ATXN1: variants seen among roughly 807,000 people sequenced by gnomAD.
ATXN1 encodes the protein ataxin-1.
In ATXN1, 8 loss-of-function variants were observed where a neutral mutation model predicts 56.4. The observed-to-expected ratio is 0.14, with a 90% CI of 0.08 to 0.26. ATXN1 has a LOEUF of 0.26. ATXN1 is among the 10% of genes least tolerant of loss of function. ATXN1 has a pLI of 1.00. For missense variants in ATXN1, 987 were observed against 1,106.5 expected, an observed-to-expected ratio of 0.89 and a Z score of 1.53; for synonymous variants, 514 against 494.6, an observed-to-expected ratio of 1.04 and a Z score of -0.52.
At chr6:16,682,448 C>T (rs965333726) in intron 2 of ATXN1, among the ~76,000 whole-genome samples, 9 of 152,152 alleles carry the variant, frequency 5.9e-5, no homozygotes, top group East Asian at 3.9e-4. Flanking sequence ...CTGTCCGCCT[C>T]GGCCTCCCAA....
intron 6 of ATXN1, among the ~76,000 whole-genome samples, chr6:16,392,857 A>C (rs1196274360): frequency 2.0e-5 from 3 of 152,178 alleles, no homozygotes; most frequent in African/African-American, 7.2e-5. Flanking sequence ...CACCCAGGGA[A>C]AGCGGCATCA....
Position 16,527,795 on chromosome 6 carries a change from A to G in ATXN1, c.-360-5107T>C, listed in dbSNP as rs1003226426. Among the ~76,000 whole-genome samples the G allele has an allele frequency of 2.6e-5, 4 of 152,336 alleles. 1 individual carries two copies. Among genetic ancestry groups the G allele is most frequent in the Middle Eastern group, 6.8e-3 (2 of 294 alleles). On this transcript the variant is annotated intron_variant, in intron 4 of 7. Transcript: ENST00000436367. ...TGACAATTCACTCTAGGCATTTGCA[A>G]TATCATGGAATATGAACTGAGCTAC...
chr6:16,388,397 G>A (rs1051881235), intron 6 of ATXN1, among the ~76,000 whole-genome samples: 3 of 152,202 alleles, frequency 2.0e-5, no homozygotes, highest in Non-Finnish European at 4.4e-5. Context: ...TGAGGATCAA[G>A]TGGTGGTTTC....
At chr6:16,672,571 A>G (rs1397906533) in intron 2 of ATXN1, among the ~76,000 whole-genome samples, 1 of 152,216 alleles carries the variant, frequency 6.6e-6, no homozygotes, top group Non-Finnish European at 1.5e-5. Flanking sequence ...GGTGGGTCCA[A>G]TGTAATCGCA....
rs80134524 is a variant in ATXN1, at chr6:16,605,177, C to T, written c.-488-19270G>A. Among the ~76,000 whole-genome samples the T allele has an allele frequency of 8.6e-3, 1,316 of 152,326 alleles. 15 individuals carry two copies. The highest frequency in any genetic ancestry group is 0.029 in the African/African-American group (1,205 of 41,568). On this transcript the variant is annotated intron_variant, in intron 3 of 7. Transcript: ENST00000436367. ...CAGTATCAATTTAGTGGATCATGAA[C>T]TACGTATCCGATTGACTCACTTGTA...
At chr6:16,624,706 T>C (rs925316560) in intron 3 of ATXN1, among the ~76,000 whole-genome samples, 5 of 152,260 alleles carry the variant, frequency 3.3e-5, no homozygotes, top group African/African-American at 9.6e-5. Flanking sequence ...ATATAAAAAA[T>C]TGTGAAAGTC....
chr6:16,758,613 A>G (rs1760960051), intron 1 of ATXN1, among the ~76,000 whole-genome samples: 1 of 152,252 alleles, frequency 6.6e-6, no homozygotes, highest in Admixed American at 6.5e-5. Flanking sequence ...CTGTGCATAA[A>G]ACACTTGGAG....
At chr6:16,625,100 G>C (rs533217008) in intron 3 of ATXN1, among the ~76,000 whole-genome samples, 20 of 152,266 alleles carry the variant, frequency 1.3e-4, no homozygotes, top group African/African-American at 4.6e-4. Context: ...CTTATGCCTA[G>C]AAAAATCTTC....
At chr6:16,394,335 T>C (rs1458917902) in intron 6 of ATXN1, among the ~76,000 whole-genome samples, 2 of 152,186 alleles carry the variant, frequency 1.3e-5, no homozygotes, top group East Asian at 1.9e-4. Context: ...TAAGGATAGA[T>C]AGCCAGAAAA....
chr6:16,500,348 T>G (rs1244501275), intron 5 of ATXN1, among the ~76,000 whole-genome samples: 1 of 152,176 alleles, frequency 6.6e-6, no homozygotes, highest in African/African-American at 2.4e-5. Flanking sequence ...ATACAATTGT[T>G]TCAACCCCAC....
intron 4 of ATXN1, among the ~76,000 whole-genome samples, chr6:16,575,536 C>T (rs73728016): frequency 0.01 from 1,559 of 152,286 alleles, 33 homozygotes; most frequent in African/African-American, 0.035. Flanking sequence ...GCAGACACAG[C>T]CACATTGTGT....
chr6:16,659,623 TA>T (rs983182828), intron 2 of ATXN1, among the ~76,000 whole-genome samples: 1 of 152,172 alleles, frequency 6.6e-6, no homozygotes, highest in Non-Finnish European at 1.5e-5. Context: ...TACAGAAAGT[TA>T]ATATGTACTT....
intron 7 of ATXN1, among the ~76,000 whole-genome samples, chr6:16,308,435 T>C (rs1374329797): frequency 6.6e-6 from 1 of 152,038 alleles, no homozygotes; most frequent in African/African-American, 2.4e-5. Flanking sequence ...GGGCCTGTTT[T>C]CTCCTGAAGG....
chr6:16,433,019 C>G (rs1759316958), intron 6 of ATXN1: 2 of 152,128 alleles, frequency 1.3e-5, no homozygotes, highest in African/African-American at 4.8e-5. Context: ...TGCTGTGCAG[C>G]ATGTAGCTCG....
chr6:16,556,371 T>C (rs1762014284), intron 4 of ATXN1, among the ~76,000 whole-genome samples: 2 of 152,342 alleles, frequency 1.3e-5, no homozygotes, highest in South Asian at 4.1e-4. Context: ...TACATATTCC[T>C]ATAGCTTCTT....
At chr6:16,754,436 TATG>T (rs1482544040) in intron 1 of ATXN1, among the ~76,000 whole-genome samples, 1 of 152,176 alleles carries the variant, frequency 6.6e-6, no homozygotes, top group Admixed American at 6.5e-5. Context: ...GAGCTATGAA[TATG>T]ATCTCCAATG....
intron 6 of ATXN1, among the ~76,000 whole-genome samples, chr6:16,332,650 T>G (rs1170264857): frequency 6.6e-6 from 1 of 152,188 alleles, no homozygotes; most frequent in Non-Finnish European, 1.5e-5. Flanking sequence ...ACATTCCTAT[T>G]GGAAAAGGGA....
At chr6:16,456,773 A>G (rs1433824255) in intron 6 of ATXN1, among the ~76,000 whole-genome samples, 1 of 152,134 alleles carries the variant, frequency 6.6e-6, no homozygotes, top group East Asian at 1.9e-4. Flanking sequence ...TTCTCCTATA[A>G]GGATGATTTC....
chr6:16,537,736 A>G (rs1382771036), intron 4 of ATXN1, among the ~76,000 whole-genome samples: 1 of 151,968 alleles, frequency 6.6e-6, no homozygotes, highest in Non-Finnish European at 1.5e-5. Flanking sequence ...AAAAAGAAAA[A>G]AAAAAAGAAA....
Sources: gnomAD v4.1 joint callset for allele counts (sites outside exome capture counted in the v4.1 genomes callset) on GRCh38, gnomAD v4.1.1 for gene constraint, MANE v1.5 for transcripts, NCBI Gene and HGNC (gene_info 2026-07-23, HGNC 2026-07-21) for gene names.